The following CLXN variants were observed in gnomAD, a reference collection of about 807,000 sequenced individuals.
The protein encoded by CLXN is calaxin, also known as EF-hand calcium binding domain 1.
chr8:48,735,089 C>T, the CLXN span: 1 of 1,614,202 alleles, frequency 6.2e-7, no homozygotes, highest in South Asian at 1.1e-5. Context: ...TACATTCTTA[C>T]TTACAATGCT....
the CLXN span, among the ~76,000 whole-genome samples, chr8:48,732,089 G>T: frequency 6.6e-6 from 1 of 152,130 alleles, no homozygotes; most frequent in African/African-American, 2.4e-5. Context: ...GTAATAGTTT[G>T]GAGGAAGGAA....
the CLXN span, chr8:48,729,062 G>T: frequency 1.2e-6 from 2 of 1,611,976 alleles, no homozygotes; most frequent in Non-Finnish European, 1.7e-6. Context: ...GGAAGACATG[G>T]CCCAAAGGCC....
At chr8:48,714,684 G>GGAAA in the CLXN span, among the ~76,000 whole-genome samples, 1 of 152,190 alleles carries the variant, frequency 6.6e-6, no homozygotes, top group Non-Finnish European at 1.5e-5. Flanking sequence ...TATATTGCAG[G>GGAAA]GAAAGGGAGT....
the CLXN span, chr8:48,714,953 T>C: frequency 6.6e-6 from 1 of 152,188 alleles, no homozygotes; most frequent in Non-Finnish European, 1.5e-5. Flanking sequence ...ATAAAGTCAG[T>C]CATGATGGAA....
the CLXN span, among the ~76,000 whole-genome samples, chr8:48,733,104 T>A: frequency 4.6e-5 from 7 of 152,104 alleles, no homozygotes; most frequent in Admixed American, 4.6e-4. Context: ...AATTTCATGT[T>A]ATATGTAACC....
At chr8:48,726,675 C>G in the CLXN span, among the ~76,000 whole-genome samples, 1 of 132,638 alleles carries the variant, frequency 7.5e-6, no homozygotes, top group Non-Finnish European at 1.6e-5. Flanking sequence ...ATCCATGCAT[C>G]CATCCATCCA....
chr8:48,730,985 C>T, the CLXN span, among the ~76,000 whole-genome samples: 1 of 151,998 alleles, frequency 6.6e-6, no homozygotes, highest in South Asian at 2.1e-4. Context: ...TTACTCAAGT[C>T]ATTACTTGAT....
At chr8:48,728,898 G>A in the CLXN span, 11 of 542,714 alleles carry the variant, frequency 2.0e-5, no homozygotes, top group African/African-American at 3.9e-5. Context: ...TGAATCAGCA[G>A]GTTATTCAGT....
At chr8:48,730,537 T>C in the CLXN span, 1 of 1,597,508 alleles carries the variant, frequency 6.3e-7, no homozygotes, top group Non-Finnish European at 8.6e-7. Context: ...CCTGCAATCT[T>C]ACATTTCATT....
At chr8:48,724,304 T>C in the CLXN span, 1 of 153,480 alleles carries the variant, frequency 6.5e-6, no homozygotes, top group Non-Finnish European at 1.4e-5. Context: ...AATAGAATAC[T>C]CTTATTCTTT....
At chr8:48,728,497 C>T in the CLXN span, among the ~76,000 whole-genome samples, 7 of 152,284 alleles carry the variant, frequency 4.6e-5, no homozygotes, top group Admixed American at 3.9e-4. Context: ...ATGACTCTGG[C>T]ACCAGGGTAC....
chr8:48,731,488 A>G, the CLXN span: 2 of 1,601,706 alleles, frequency 1.2e-6, no homozygotes, highest in African/African-American at 2.7e-5. Flanking sequence ...AAGACAGTTC[A>G]CTTCAAATTT....
the CLXN span, among the ~76,000 whole-genome samples, chr8:48,727,766 G>T: frequency 2.0e-5 from 3 of 152,146 alleles, no homozygotes; most frequent in African/African-American, 7.2e-5. Context: ...AGTCAGTAGG[G>T]GATGACAGTG....
chr8:48,725,806 A>AAAATAAATAAATAAAT, the CLXN span, among the ~76,000 whole-genome samples: 2 of 149,488 alleles, frequency 1.3e-5, no homozygotes, highest in African/African-American at 5.0e-5. Context: ...CTCCGTCTCA[A>AAAATAAATAAATAAAT]AAATAAATAA....
the CLXN span, chr8:48,712,175 A>G: frequency 1.3e-5 from 2 of 152,212 alleles, no homozygotes; most frequent in Non-Finnish European, 2.9e-5. Flanking sequence ...TGCCACTCAC[A>G]GAGAGGATTC....
the CLXN span, among the ~76,000 whole-genome samples, chr8:48,734,345 C>T: frequency 2.0e-5 from 3 of 152,170 alleles, no homozygotes; most frequent in Non-Finnish European, 2.9e-5. Context: ...TGCTAAAGTG[C>T]AATTATGTTT....
At chr8:48,734,655 G>A in the CLXN span, 29 of 157,770 alleles carry the variant, frequency 1.8e-4, 1 homozygote, top group South Asian at 4.4e-3. Context: ...TTCTCCTATG[G>A]GTCTCTTGGT....
the CLXN span, chr8:48,734,782 A>G: frequency 3.8e-4 from 123 of 325,072 alleles, no homozygotes; most frequent in Non-Finnish European, 5.9e-4. Flanking sequence ...CATTTATTTT[A>G]CACCTCATTG....
the CLXN span, chr8:48,729,115 G>A: frequency 6.2e-7 from 1 of 1,613,146 alleles, no homozygotes; most frequent in Non-Finnish European, 8.5e-7. Context: ...TTCATAGTCT[G>A]CAAAAGACAG....
Sources: gnomAD v4.1 joint callset for allele counts (sites outside exome capture counted in the v4.1 genomes callset) on GRCh38, gnomAD v4.1.1 for gene constraint, MANE v1.5 for transcripts, NCBI Gene and HGNC (gene_info 2026-07-23, HGNC 2026-07-21) for gene names.